Variants in SYNPR observed in about 807,000 individuals in gnomAD.
SYNPR encodes synaptoporin.
A neutral mutation model predicts 32.9 loss-of-function variants in SYNPR; 23 were observed. That is an observed-to-expected ratio of 0.70 (90% confidence interval 0.50 to 0.99). The LOEUF (loss-of-function observed/expected upper bound fraction) is 0.99. Among genes scored for constraint, SYNPR ranks in the 50% least tolerant of loss-of-function variants. The pLI is 0.00. For synonymous variants in SYNPR, 146 were observed against 135.9 expected (o/e 1.07, Z -0.52); for missense variants, 318 against 349.3 (o/e 0.91, Z 0.71).
chr3:63,598,835 C>T (rs1284044389), intron 4 of SYNPR, among the ~76,000 whole-genome samples: 1 of 152,156 alleles, frequency 6.6e-6, no homozygotes, highest in Non-Finnish European at 1.5e-5. Context: ...TGTATGATAA[C>T]CTAGCAGTAA....
intron 2 of SYNPR, among the ~76,000 whole-genome samples, chr3:63,359,949 G>C (rs1426337632): frequency 6.6e-6 from 1 of 152,172 alleles, no homozygotes; most frequent in Non-Finnish European, 1.5e-5. Context: ...GAAAGAATCA[G>C]AATCAAGCAG....
intron 4 of SYNPR, among the ~76,000 whole-genome samples, chr3:63,607,626 T>A (rs571261651): frequency 6.6e-6 from 1 of 152,286 alleles, no homozygotes; most frequent in African/African-American, 2.4e-5. Flanking sequence ...CAAAACCCTA[T>A]GAATGGGTCA....
At chr3:63,272,710 C>T (rs955241304) in intron 3 of SYNPR, among the ~76,000 whole-genome samples, 1 of 152,132 alleles carries the variant, frequency 6.6e-6, no homozygotes, top group African/African-American at 2.4e-5. Flanking sequence ...GTCCTTATCC[C>T]TCCCTGGTTT....
chr3:63,459,815 T>A (rs1173107515), intron 2 of SYNPR, among the ~76,000 whole-genome samples: 1 of 152,106 alleles, frequency 6.6e-6, no homozygotes, highest in Non-Finnish European at 1.5e-5. Context: ...CTCTTAATAC[T>A]GACAAAACGA....
At chr3:63,588,182 A>G (rs1024673044) in intron 4 of SYNPR, among the ~76,000 whole-genome samples, 9 of 152,114 alleles carry the variant, frequency 5.9e-5, no homozygotes, top group Non-Finnish European at 4.4e-5. Context: ...ATGAATTTCA[A>G]TACATACGTC....
At position 63,375,488 on chromosome 3, in the gene SYNPR, G is replaced by A. The variant is rs147143635; in HGVS notation, c.84+96746G>A. Among the ~76,000 whole-genome samples the A allele has an allele frequency of 3.7e-3, 557 of 152,092 alleles. 7 individuals are homozygous for A. The highest frequency in any genetic ancestry group is 0.013 in the African/African-American group (534 of 41,474). On this transcript the variant is annotated intron_variant, in intron 2 of 5. Coordinates refer to ENST00000478300, the MANE Select transcript of SYNPR (RefSeq NM_001130003.2). ...TCACAAGGACAGGAAACCAAACACCGCATGTTCTCACTCGTAGGTGGGAAC... is the reference window on the plus strand; with the variant it reads ...TCACAAGGACAGGAAACCAAACACCACATGTTCTCACTCGTAGGTGGGAAC...
intron 2 of SYNPR, among the ~76,000 whole-genome samples, chr3:63,398,590 C>A (rs969591291): frequency 1.3e-5 from 2 of 151,622 alleles, no homozygotes; most frequent in African/African-American, 4.8e-5. Context: ...CAGTGGTGGG[C>A]ACCTGTACTC....
intron 5 of SYNPR, among the ~76,000 whole-genome samples, chr3:63,614,264 A>G (rs994467093): frequency 6.6e-6 from 1 of 152,232 alleles, no homozygotes; most frequent in African/African-American, 2.4e-5. Context: ...CTGTTAAAAC[A>G]GACTGCCTGT....
At chr3:63,427,187 A>G (rs1321891930) in intron 2 of SYNPR, among the ~76,000 whole-genome samples, 4 of 151,098 alleles carry the variant, frequency 2.6e-5, no homozygotes, top group Admixed American at 2.6e-4. Context: ...AGGAGACAAT[A>G]AAATGTAAAA....
intron 2 of SYNPR, among the ~76,000 whole-genome samples, chr3:63,311,588 C>G (rs1368654344): frequency 6.6e-6 from 1 of 151,930 alleles, no homozygotes; most frequent in Non-Finnish European, 1.5e-5. Context: ...CATCTCCCTG[C>G]CAACACCCCG....
At chr3:63,592,233 A>C (rs890501517) in intron 4 of SYNPR, among the ~76,000 whole-genome samples, 1 of 152,298 alleles carries the variant, frequency 6.6e-6, no homozygotes, top group East Asian at 1.9e-4. Flanking sequence ...TCCAGGAAGA[A>C]TTAGCCCTGC....
intron 2 of SYNPR, among the ~76,000 whole-genome samples, chr3:63,286,581 G>A (rs1051182349): frequency 6.6e-6 from 1 of 152,166 alleles, no homozygotes; most frequent in African/African-American, 2.4e-5. Flanking sequence ...ACTGACTGAG[G>A]TATGGGGACA....
rs114706684 is a variant in SYNPR at position 63,595,540 on chromosome 3, C to A, written c.409-13585C>A. On this transcript the variant is annotated intron_variant, in intron 4 of 5. Coordinates refer to ENST00000478300, the MANE Select transcript of SYNPR (RefSeq NM_001130003.2). ...CCAAAAACTCCAAATCTGGTCTAAG[C>A]TCATTTCATTTACCTCCAGAAACTG... Among the ~76,000 whole-genome samples, 1,199 of 150,860 alleles carry A rather than the reference C, an allele frequency of 7.9e-3. 10 individuals carry two copies. The highest frequency in any genetic ancestry group is 0.022 in the African/African-American group (902 of 41,116).
intron 2 of SYNPR, among the ~76,000 whole-genome samples, chr3:63,399,832 T>G (rs2088265469): frequency 6.6e-6 from 1 of 152,242 alleles, no homozygotes; most frequent in Non-Finnish European, 1.5e-5. Context: ...TTGAACCACG[T>G]AACTTTCTCT....
chr3:63,580,219 T>G (rs1294639719), intron 4 of SYNPR, among the ~76,000 whole-genome samples: 1 of 152,194 alleles, frequency 6.6e-6, no homozygotes, highest in Non-Finnish European at 1.5e-5. Flanking sequence ...GCAGAAAATG[T>G]ATGTTTATTG....
In SYNPR at chr3:63,362,557, C is replaced by A. The variant is rs1029660149; in HGVS notation, c.84+83815C>A. On this transcript the variant is annotated intron_variant, in intron 2 of 5. Transcript: ENST00000478300. ...TAAGCCCTAGGAAAAGAAAAGTGAG[C>A]AAGTAAAGTAACCTTTATCTTCAAG... 3.3e-5 allele frequency among the ~76,000 whole-genome samples: 5 copies of A among 152,218 alleles called. No individual in the cohort carries two copies. The South Asian group carries it at 6.2e-4, about 19-fold the overall frequency.
At position 63,548,020 on chromosome 3, in the gene SYNPR, G is replaced by A. The variant is rs531309104; in HGVS notation, c.210-8523G>A. ...TCTAAATAGCATCACCGAATACCAT[G>A]CTTCAGGTACAGTAAGAAAACCAGT... On this transcript the variant is annotated intron_variant, in intron 3 of 5. Transcript: ENST00000478300. 2.6e-5 allele frequency among the ~76,000 whole-genome samples: 4 copies of A among 152,264 alleles called. No individual in the cohort carries two copies. In the East Asian group the frequency reaches 7.7e-4, roughly 29 times the overall value.
chr3:63,554,167 C>T (rs973137928), intron 3 of SYNPR, among the ~76,000 whole-genome samples: 7 of 152,178 alleles, frequency 4.6e-5, no homozygotes, highest in Admixed American at 2.6e-4. Context: ...TATTTTCTCC[C>T]GTCCTGTAGG....
At chr3:63,347,875 T>TTGTGTGTG (rs10597535) in intron 2 of SYNPR, among the ~76,000 whole-genome samples, 52 of 144,496 alleles carry the variant, frequency 3.6e-4, no homozygotes, top group East Asian at 2.3e-3. Context: ...TAGTATTCCA[T>TTGTGTGTG]TGTGTGTGTG....
Sources: gnomAD v4.1 joint callset for allele counts (sites outside exome capture counted in the v4.1 genomes callset) on GRCh38, gnomAD v4.1.1 for gene constraint, MANE v1.5 for transcripts, NCBI Gene and HGNC (gene_info 2026-07-23, HGNC 2026-07-21) for gene names.